The following WWTR1 variants were observed in gnomAD, a reference collection of about 807,000 sequenced individuals.
WWTR1 encodes WW domain containing transcription regulator 1.
WWTR1 carries 13 observed loss-of-function variants against 40.1 expected under a neutral mutation model. The ratio of observed to expected loss-of-function variants is 0.32; its 90% CI spans 0.21 to 0.52. WWTR1 has a LOEUF of 0.52. WWTR1 is among the 20% of genes least tolerant of loss of function. The probability of loss-of-function intolerance (pLI) is 0.97; values close to 1 mark genes in which losing one functional copy is unlikely to be tolerated. For missense variants in WWTR1, 436 were observed against 523.1 expected (o/e 0.83, Z 1.63); for synonymous variants, 230 against 210.1 (o/e 1.09, Z -0.82).
At position 149,585,121 on chromosome 3, in the gene WWTR1, C is replaced by CGTGTGTGTGTGTGTGTGT. The variant is rs61655468; in HGVS notation, c.432-12139_432-12122dup. On this transcript the variant is annotated intron_variant, in intron 2 of 6. Coordinates refer to ENST00000360632, the MANE Select transcript of WWTR1 (RefSeq NM_015472.6). ...AACTACAGATATACTTGATTTCTTT[C>CGTGTGTGTGTGTGTGTGT]GTGTGTGTGTGTGTGTGTGTGTGTG... is the stretch of plus-strand genomic sequence containing the variant. Among the ~76,000 whole-genome samples the CGTGTGTGTGTGTGTGTGT allele has an allele frequency of 8.5e-3, 1,227 of 144,382 alleles. 18 individuals are homozygous for CGTGTGTGTGTGTGTGTGT. Among genetic ancestry groups the CGTGTGTGTGTGTGTGTGT allele is most frequent in the East Asian group, 0.037 (172 of 4,680 alleles). The allele number at this position is 144,382 out of a possible 152,430, so 94.7% of individuals were successfully genotyped here.
At chr3:149,600,116 T>C (rs868740761) in intron 2 of WWTR1, among the ~76,000 whole-genome samples, 6 of 152,222 alleles carry the variant, frequency 3.9e-5, no homozygotes, top group Middle Eastern at 3.2e-3. Flanking sequence ...TATGATGACA[T>C]TGTCTATAAA....
intron 1 of WWTR1, among the ~76,000 whole-genome samples, chr3:149,686,334 T>C (rs141290044): frequency 3.3e-5 from 5 of 152,314 alleles, no homozygotes; most frequent in African/African-American, 1.2e-4. Context: ...GAAAAGAGAC[T>C]GACTATTCCT....
chr3:149,720,096 T>C (rs1458978471), intron 4 of WWTR1, among the ~76,000 whole-genome samples: 2 of 152,214 alleles, frequency 1.3e-5, no homozygotes, highest in African/African-American at 4.8e-5. Flanking sequence ...TGATAGTGTC[T>C]TTTGATATAA....
chr3:149,566,166 T>C (rs1266736345), intron 3 of WWTR1, among the ~76,000 whole-genome samples: 1 of 152,164 alleles, frequency 6.6e-6, no homozygotes, highest in Non-Finnish European at 1.5e-5. Flanking sequence ...CCCCAATCTC[T>C]ACAAAATAAA....
chr3:149,704,549 T>C (rs1405237535), upstream of WWTR1, among the ~76,000 whole-genome samples: 1 of 152,150 alleles, frequency 6.6e-6, no homozygotes, highest in Non-Finnish European at 1.5e-5. Context: ...GAAGCACTAT[T>C]CTCAGTCCAA....
chr3:149,520,672 AC>A lies in WWTR1; in HGVS notation c.*132del. The A allele has an allele frequency of 1.4e-6, 1 of 738,792 alleles. No individual in the cohort carries two copies. The highest frequency in any genetic ancestry group is 2.0e-6 in the Non-Finnish European group (1 of 492,396). The allele number at this position is 738,792 out of a possible 1,614,324, so 45.8% of individuals were successfully genotyped here. A position where few individuals can be genotyped will look rare whatever the true frequency, so the allele number is the denominator to read the frequency against. On this transcript the variant is annotated 3_prime_UTR_variant, in exon 7 of 7. Coordinates refer to ENST00000360632, the MANE Select transcript of WWTR1 (RefSeq NM_015472.6). ...AAACCAGGCAATGATTAAACTGGCAACATAAAAAGGAGGGAGCACGAGTCAT... is the reference window on the plus strand; with the variant it reads ...AAACCAGGCAATGATTAAACTGGCAAATAAAAAGGAGGGAGCACGAGTCAT...
chr3:149,685,888 G>A (rs2108208316), intron 1 of WWTR1, among the ~76,000 whole-genome samples: 1 of 152,166 alleles, frequency 6.6e-6, no homozygotes, highest in East Asian at 1.9e-4. Context: ...TCAACTTGGG[G>A]TACATTTAAA....
chr3:149,623,376 G>T lies in WWTR1; in HGVS notation c.431+33500C>A, dbSNP rs193273125. Among the ~76,000 whole-genome samples the T allele has an allele frequency of 2.1e-3, 320 of 152,018 alleles. 4 individuals are homozygous for T. The highest frequency in any genetic ancestry group is 6.8e-3 in the African/African-American group (284 of 41,462). On this transcript the variant is annotated intron_variant, in intron 2 of 6. Transcript: ENST00000360632. ...AAAACTACATCTCAAAAAAAAGAAT[G>T]TTTATCATATGGCCATTTAAAGTGT...
chr3:149,638,138 C>T (rs1413193326), intron 2 of WWTR1, among the ~76,000 whole-genome samples: 1 of 152,114 alleles, frequency 6.6e-6, no homozygotes, highest in Non-Finnish European at 1.5e-5. Flanking sequence ...ATGACTTGAA[C>T]CCAGGAGGCA....
chr3:149,616,970 C>G (rs1740003572), intron 2 of WWTR1, among the ~76,000 whole-genome samples: 1 of 151,870 alleles, frequency 6.6e-6, no homozygotes. Flanking sequence ...GCCAGAGAGT[C>G]TAATAAGGGG....
At chr3:149,665,162 A>G (rs1203772456) in intron 2 of WWTR1, among the ~76,000 whole-genome samples, 1 of 151,972 alleles carries the variant, frequency 6.6e-6, no homozygotes, top group Admixed American at 6.6e-5. Flanking sequence ...TGATCAGGGC[A>G]TATTGCAGAG....
intron 1 of WWTR1, among the ~76,000 whole-genome samples, chr3:149,693,794 T>C (rs1346624711): frequency 1.3e-5 from 2 of 152,148 alleles, no homozygotes; most frequent in South Asian, 2.1e-4. Context: ...TATCCATCTG[T>C]GGAATAATAA....
intron 3 of WWTR1, 147 bp downstream of exon 3, chr3:149,572,717 C>T (rs1390109994): frequency 2.1e-6 from 2 of 953,604 alleles, no homozygotes; most frequent in African/African-American, 3.3e-5. Context: ...CACAGTGGTT[C>T]ATGCCTGTTA....
intron 3 of WWTR1, among the ~76,000 whole-genome samples, chr3:149,543,580 C>CAAAA (rs755442408): frequency 0.05 from 1,560 of 31,208 alleles, 285 homozygotes; most frequent in African/African-American, 0.15. Flanking sequence ...GACTCTGTCT[C>CAAAA]AAAAAAAAAA....
At chr3:149,562,988 G>A (rs1422605971) in intron 3 of WWTR1, among the ~76,000 whole-genome samples, 3 of 152,096 alleles carry the variant, frequency 2.0e-5, no homozygotes, top group Non-Finnish European at 4.4e-5. Flanking sequence ...TTTGGAACAA[G>A]TGGCTGAATG....
At chr3:149,702,834 G>A (rs2108225276) in intron 1 of WWTR1, 1 of 152,210 alleles carries the variant, frequency 6.6e-6, no homozygotes, top group East Asian at 1.9e-4. Context: ...CTGCAAGGCT[G>A]TTGATTCTGT....
intron 4 of WWTR1, among the ~76,000 whole-genome samples, chr3:149,532,802 T>C (rs17787940): frequency 0.077 from 11,666 of 152,158 alleles, 544 homozygotes; most frequent in Admixed American, 0.11. Context: ...TGGGTAAAAA[T>C]GAAAGGCAAA....
At chr3:149,553,582 A>G (rs1003761002) in intron 3 of WWTR1, among the ~76,000 whole-genome samples, 1 of 152,152 alleles carries the variant, frequency 6.6e-6, no homozygotes, top group Non-Finnish European at 1.5e-5. Context: ...AGGCTTATAT[A>G]TGGGAAGGAG....
At chr3:149,683,625 T>C (rs1576639569) in intron 1 of WWTR1, among the ~76,000 whole-genome samples, 1 of 151,520 alleles carries the variant, frequency 6.6e-6, no homozygotes, top group East Asian at 1.9e-4. Flanking sequence ...ACCTGGGAGG[T>C]GGAGGTTGCA....
Sources: gnomAD v4.1 joint callset for allele counts (sites outside exome capture counted in the v4.1 genomes callset) on GRCh38, gnomAD v4.1.1 for gene constraint, MANE v1.5 for transcripts, NCBI Gene and HGNC (gene_info 2026-07-23, HGNC 2026-07-21) for gene names.